Variants in TMOD1 observed in about 807,000 individuals in gnomAD.
TMOD1 encodes tropomodulin 1.
In TMOD1, 17 loss-of-function variants were observed where a neutral mutation model predicts 40.6. The ratio of observed to expected loss-of-function variants is 0.42; its 90% CI spans 0.29 to 0.63. TMOD1 has a LOEUF of 0.63. Among genes scored for constraint, TMOD1 ranks in the 20% least tolerant of loss-of-function variants. The pLI is 0.22. For missense variants in TMOD1, 391 were observed against 447.6 expected, an observed-to-expected ratio of 0.87 and a Z score of 1.14; for synonymous variants, 181 against 175.0, an observed-to-expected ratio of 1.03 and a Z score of -0.27.
At chr9:97,509,377 C>G (rs954531548) in intron 1 of TMOD1, among the ~76,000 whole-genome samples, 1 of 152,120 alleles carries the variant, frequency 6.6e-6, no homozygotes, top group Non-Finnish European at 1.5e-5. Flanking sequence ...TGACAAGTGG[C>G]CAACAGTAGC....
At chr9:97,561,467 T>A (rs1830639794) in intron 4 of TMOD1, among the ~76,000 whole-genome samples, 1 of 152,218 alleles carries the variant, frequency 6.6e-6, no homozygotes, top group Non-Finnish European at 1.5e-5. Flanking sequence ...TTAATTGGTC[T>A]AGGGTGGGAC....
chr9:97,551,015 T>TATATATA (rs1491279262), intron 3 of TMOD1, among the ~76,000 whole-genome samples: 5 of 5,130 alleles, frequency 9.7e-4, no homozygotes, highest in African/African-American at 3.1e-3. Context: ...TATATATATA[T>TATATATA]TTTTTTTTTT....
intron 8 of TMOD1, among the ~76,000 whole-genome samples, chr9:97,582,129 T>G (rs1352306986): frequency 6.6e-6 from 1 of 152,176 alleles, no homozygotes; most frequent in African/African-American, 2.4e-5. Flanking sequence ...TTTTATGGTT[T>G]TAGGTCTAAC....
At chr9:97,543,068 A>C (rs559130873) in intron 2 of TMOD1, among the ~76,000 whole-genome samples, 2 of 152,260 alleles carry the variant, frequency 1.3e-5, no homozygotes, top group East Asian at 3.9e-4. Context: ...CTTTAACTAA[A>C]TCCGTGGCCT....
At chr9:97,591,486 A>G (rs923998387) in intron 9 of TMOD1, 51 bp downstream of exon 9, 2 of 1,584,356 alleles carry the variant, frequency 1.3e-6, no homozygotes, top group Admixed American at 1.8e-5. Flanking sequence ...TATTCCCTCC[A>G]CCTGTGCTGG....
At chr9:97,517,513 G>C (rs774400224) in intron 1 of TMOD1, among the ~76,000 whole-genome samples, 1 of 152,040 alleles carries the variant, frequency 6.6e-6, no homozygotes. Context: ...AGCCGGACAC[G>C]CATGCTGGGT....
chr9:97,515,127 A>G (rs747477153), intron 1 of TMOD1, among the ~76,000 whole-genome samples: 1 of 150,396 alleles, frequency 6.6e-6, no homozygotes, highest in Non-Finnish European at 1.5e-5. Context: ...GACTGAGTCC[A>G]GGAGTTTGAA....
At chr9:97,594,909 C>A (rs1389536186) in intron 9 of TMOD1, among the ~76,000 whole-genome samples, 1 of 152,166 alleles carries the variant, frequency 6.6e-6, no homozygotes, top group African/African-American at 2.4e-5. Flanking sequence ...TTAGCAAAAT[C>A]TGAATTGCAG....
chr9:97,534,350 G>A (rs1830147760), intron 2 of TMOD1, among the ~76,000 whole-genome samples: 1 of 152,212 alleles, frequency 6.6e-6, no homozygotes, highest in South Asian at 2.1e-4. Context: ...ATTGAGAGGA[G>A]TTGGCAGGAC....
intron 4 of TMOD1, among the ~76,000 whole-genome samples, chr9:97,558,431 C>CTGTT (rs113689604): frequency 7.1e-4 from 108 of 151,278 alleles, no homozygotes; most frequent in Admixed American, 1.2e-3. Context: ...ACCCTGGATG[C>CTGTT]TGTTTGTTTG....
chr9:97,524,537 T>TGTGTGTGTGTGTGTGTGTGTG, intron 2 of TMOD1, among the ~76,000 whole-genome samples: 1 of 146,842 alleles, frequency 6.8e-6, no homozygotes. Context: ...TGTGTGTGTG[T>TGTGTGTGTGTGTGTGTGTGTG]CGAGACAGAG....
intron 9 of TMOD1, among the ~76,000 whole-genome samples, chr9:97,598,321 C>A (rs972584860): frequency 1.8e-5 from 2 of 111,724 alleles, no homozygotes; most frequent in African/African-American, 7.4e-5. Context: ...GAGCGAAACT[C>A]CATCTCAAAA....
intron 1 of TMOD1, among the ~76,000 whole-genome samples, chr9:97,519,542 C>T (rs1478635015): frequency 6.6e-6 from 1 of 152,218 alleles, no homozygotes; most frequent in Non-Finnish European, 1.5e-5. Context: ...GCTTCATCAC[C>T]CCCTTCCTGC....
At chr9:97,572,919 AC>A (rs1426551631) in intron 8 of TMOD1, among the ~76,000 whole-genome samples, 2 of 152,186 alleles carry the variant, frequency 1.3e-5, no homozygotes, top group African/African-American at 4.8e-5. Flanking sequence ...TTGCGCCAAG[AC>A]CATGGTGAAT....
At chr9:97,599,401 C>T (rs946619686) in intron 9 of TMOD1, among the ~76,000 whole-genome samples, 1 of 152,160 alleles carries the variant, frequency 6.6e-6, no homozygotes, top group Non-Finnish European at 1.5e-5. Context: ...TGTGGTCAGC[C>T]ACTTAGCAGA....
chr9:97,597,383 C>G (rs1163618654), intron 9 of TMOD1, among the ~76,000 whole-genome samples: 1 of 152,210 alleles, frequency 6.6e-6, no homozygotes, highest in Non-Finnish European at 1.5e-5. Flanking sequence ...TTTCCCTTCT[C>G]TCCATCCAGT....
chr9:97,560,848 G>A (rs1426957293), intron 4 of TMOD1, among the ~76,000 whole-genome samples: 3 of 152,008 alleles, frequency 2.0e-5, no homozygotes, highest in African/African-American at 7.2e-5. Context: ...GGGCAACAGA[G>A]CGAGACTCCA....
chr9:97,594,294 C>G (rs1175475283), intron 9 of TMOD1, among the ~76,000 whole-genome samples: 2 of 152,246 alleles, frequency 1.3e-5, no homozygotes, highest in African/African-American at 4.8e-5. Context: ...TTGCGCCCAT[C>G]TGCTAATTTT....
chr9:97,562,021 A>G (rs1281009043), intron 4 of TMOD1, among the ~76,000 whole-genome samples: 1 of 152,212 alleles, frequency 6.6e-6, no homozygotes, highest in Non-Finnish European at 1.5e-5. Context: ...TTTCAGCTCC[A>G]TGAGCGGAGA....
Sources: allele counts gnomAD v4.1 joint callset (sites outside exome capture counted in the v4.1 genomes callset), GRCh38; gene constraint gnomAD v4.1.1; transcripts MANE v1.5; gene names NCBI Gene and HGNC (gene_info 2026-07-23, HGNC 2026-07-21).